SP3: variants seen among roughly 807,000 people sequenced by gnomAD.
SP3 encodes Sp3 transcription factor.
In SP3, 10 loss-of-function variants were observed where a neutral mutation model predicts 70.3. That is an observed-to-expected ratio of 0.14 (90% confidence interval 0.09 to 0.24). The LOEUF (loss-of-function observed/expected upper bound fraction) is 0.24, where lower values mean the gene tolerates loss of function less well. Ranked by LOEUF, SP3 falls within the 10% of genes least tolerant of loss-of-function variation. SP3 has a pLI of 1.00. For synonymous variants in SP3, 402 were observed against 333.5 expected (o/e 1.21, Z -2.24); for missense variants, 825 against 914.6 (o/e 0.90, Z 1.26).
intron 4 of SP3, among the ~76,000 whole-genome samples, chr2:173,923,294 GA>G (rs770296718): frequency 6.7e-6 from 1 of 148,712 alleles, no homozygotes; most frequent in Admixed American, 6.7e-5. Flanking sequence ...ATGTACAAAA[GA>G]AAAAAAAATT....
intron 4 of SP3, 89 bp from the exon 5 acceptor site, chr2:173,918,874 A>C: frequency 8.6e-7 from 1 of 1,159,344 alleles, no homozygotes; most frequent in Non-Finnish European, 1.2e-6. Context: ...TCCCAATGTT[A>C]CAACTTTGCA....
Position 173,905,527 on chromosome 2 carries a change from T to C in SP3, c.*4414A>G, listed in dbSNP as rs1201834519. ...CTGAAGGAGATAGGCCTTCTCAGGA[T>C]ATCATTCTTAACATCAAAAACTGTA... On this transcript the variant is annotated 3_prime_UTR_variant, in exon 7 of 7. Transcript: ENST00000310015. Among the ~76,000 whole-genome samples the C allele has an allele frequency of 6.6e-6, 1 of 152,202 alleles. No individual in the cohort carries two copies. Among genetic ancestry groups the C allele is most frequent in the Non-Finnish European group, 1.5e-5 (1 of 68,038 alleles).
chr2:173,935,573 A>G (rs966027186), intron 4 of SP3, among the ~76,000 whole-genome samples: 3 of 152,122 alleles, frequency 2.0e-5, no homozygotes, highest in African/African-American at 7.2e-5. Context: ...AAATGTACAC[A>G]CTTCCTGCAC....
Position 173,906,652 on chromosome 2 carries a change from C to T in SP3, c.*3289G>A. ...ACCCCAAATTTCAAACAATATTGAA[C>T]ACAATACAAATTTTTCATAAAACAA... On this transcript the variant is annotated 3_prime_UTR_variant, in exon 7 of 7. Transcript: ENST00000310015. 6.6e-6 allele frequency: 1 copy of T among 152,152 alleles called. No homozygotes were observed. The highest frequency in any genetic ancestry group is 1.9e-4 in the East Asian group (1 of 5,202). The allele number at this position is 152,152 out of a possible 1,614,324, so 9.4% of individuals were successfully genotyped here. A position where few individuals can be genotyped will look rare whatever the true frequency, so the allele number is the denominator to read the frequency against.
intron 5 of SP3, among the ~76,000 whole-genome samples, chr2:173,918,182 T>C (rs1689658768): frequency 6.6e-6 from 1 of 152,108 alleles, no homozygotes; most frequent in African/African-American, 2.4e-5. Flanking sequence ...TATTAAGGCT[T>C]ATTTTTCACT....
At chr2:173,952,040 T>C (rs2105494605) in intron 4 of SP3, among the ~76,000 whole-genome samples, 1 of 152,296 alleles carries the variant, frequency 6.6e-6, no homozygotes, top group Non-Finnish European at 1.5e-5. Context: ...AAGCACAAAT[T>C]TTGTCATCTG....
chr2:173,964,043 C>A, intron 2 of SP3, 160 bp from the exon 3 acceptor site: 1 of 387,866 alleles, frequency 2.6e-6, no homozygotes. Context: ...TCCTCCTGGT[C>A]CCGCCGCCAG....
chr2:173,965,306 A>AT lies in SP3; in HGVS notation c.-136dup. The AT allele has an allele frequency of 8.7e-6, 9 of 1,039,878 alleles. 1 individual carries two copies. The highest frequency in any genetic ancestry group is 4.9e-5 in the African/African-American group (3 of 60,718). 64.4% of individuals were successfully genotyped at this position (1,039,878 alleles called of 1,614,324 possible). A position where few individuals can be genotyped will look rare whatever the true frequency, so the allele number is the denominator to read the frequency against. On this transcript the variant is annotated 5_prime_UTR_variant, in exon 1 of 7. Transcript: ENST00000310015. ...AGCGGTCCGGGGATTTTTTTTTCCT[A>AT]TTTTGATTGACTGTGCGGGAAACAC...
intron 3 of SP3, among the ~76,000 whole-genome samples, chr2:173,962,079 G>A (rs1691107112): frequency 6.6e-6 from 1 of 151,932 alleles, no homozygotes; most frequent in Non-Finnish European, 1.5e-5. Flanking sequence ...GTGTTGTCAG[G>A]AGTGATTTGG....
intron 4 of SP3, among the ~76,000 whole-genome samples, chr2:173,923,451 G>T (rs552053540): frequency 2.4e-4 from 36 of 152,148 alleles, no homozygotes; most frequent in Admixed American, 9.8e-4. Context: ...GGCATGCCTA[G>T]ATTTCTATTA....
chr2:173,963,727 G>A (rs964900950), intron 3 of SP3, 34 bp downstream of exon 3: 2 of 891,430 alleles, frequency 2.2e-6, no homozygotes, highest in African/African-American at 3.6e-5. Flanking sequence ...CGGGCGCCCG[G>A]CCTCGGCGGG....
Position 173,907,950 on chromosome 2 carries a change from C to CA in SP3, c.*1990dup. Reference sequence around the variant, plus strand: ...CTCCAATGCAATCAGGTATTACAGACAGAGTCAGACTGGGCCTGGAAAACA... The same window carrying CA: ...CTCCAATGCAATCAGGTATTACAGACAAGAGTCAGACTGGGCCTGGAAAACA... On this transcript the variant is annotated 3_prime_UTR_variant, in exon 7 of 7. Transcript: ENST00000310015. 6.6e-6 allele frequency: 1 copy of CA among 152,106 alleles called. No individual in the cohort carries two copies. The highest frequency in any genetic ancestry group is 1.9e-4 in the East Asian group (1 of 5,202). The allele number at this position is 152,106 out of a possible 1,614,324, so 9.4% of individuals were successfully genotyped here.
At chr2:173,956,890 A>C (rs1008968682) in intron 3 of SP3, among the ~76,000 whole-genome samples, 1 of 152,194 alleles carries the variant, frequency 6.6e-6, no homozygotes, top group Non-Finnish European at 1.5e-5. Flanking sequence ...ACACACTGTG[A>C]CTTTACTTAC....
At chr2:173,963,303 T>G (rs1160296333) in intron 3 of SP3, 1 of 152,216 alleles carries the variant, frequency 6.6e-6, no homozygotes, top group Non-Finnish European at 1.5e-5. Flanking sequence ...CCCTCATTTT[T>G]TTTAATAATG....
At chr2:173,911,667 C>T (rs978019919) in intron 6 of SP3, among the ~76,000 whole-genome samples, 2 of 152,116 alleles carry the variant, frequency 1.3e-5, no homozygotes, top group African/African-American at 2.4e-5. Flanking sequence ...CTTTTTACAA[C>T]CTGCTGATAA....
At position 173,931,263 on chromosome 2, in the gene SP3, T is replaced by C. The variant is rs191670388; in HGVS notation, c.1640-12478A>G. On this transcript the variant is annotated intron_variant, in intron 4 of 6. Coordinates refer to ENST00000310015, the MANE Select transcript of SP3 (RefSeq NM_003111.5). ...GTGGTTGCTGGCTAGGCGCGGTGGT[T>C]CACATCTGTAATTCCAGCACTTTGG... Among the ~76,000 whole-genome samples the C allele has an allele frequency of 2.2e-4, 34 of 152,256 alleles. No individual in the cohort carries two copies. In the East Asian group the frequency reaches 6.4e-3, roughly 28 times the overall value.
Position 173,906,045 on chromosome 2 carries a change from GAGA to G in SP3, c.*3893_*3895del, listed in dbSNP as rs1348102837. ...CTGGACTAGAATGAATTTTTCTGGG[GAGA>G]AGGTGTAGGATTCCAAAAAGACTAG... On this transcript the variant is annotated 3_prime_UTR_variant, in exon 7 of 7. Transcript: ENST00000310015. Among the ~76,000 whole-genome samples the G allele has an allele frequency of 6.6e-6, 1 of 152,100 alleles. No homozygotes were observed. The highest frequency in any genetic ancestry group is 2.4e-5 in the African/African-American group (1 of 41,402).
intron 4 of SP3, among the ~76,000 whole-genome samples, chr2:173,938,289 TCTG>T (rs1359049322): frequency 1.3e-5 from 2 of 151,862 alleles, no homozygotes; most frequent in Non-Finnish European, 2.9e-5. Flanking sequence ...AAACCCTGTC[TCTG>T]CTAAATATAC....
Position 173,909,919 on chromosome 2 carries a change from T to TGAATAA in SP3, c.*16_*21dup. 1 of 1,597,822 alleles carries TGAATAA rather than the reference T, an allele frequency of 6.3e-7. No individual in the cohort carries two copies. Among genetic ancestry groups the TGAATAA allele is most frequent in the Non-Finnish European group, 8.6e-7 (1 of 1,166,496 alleles). Reference sequence around the variant, plus strand: ...CACTACTGTATAAAAATAACCACAATGAATAAGTATTTGTGTAATATTTAC... The same window carrying TGAATAA: ...CACTACTGTATAAAAATAACCACAATGAATAAGAATAAGTATTTGTGTAATATTTAC... On this transcript the variant is annotated 3_prime_UTR_variant, in exon 7 of 7. Transcript: ENST00000310015.
Sources: gnomAD v4.1 joint callset for allele counts (sites outside exome capture counted in the v4.1 genomes callset) on GRCh38, gnomAD v4.1.1 for gene constraint, MANE v1.5 for transcripts, NCBI Gene and HGNC (gene_info 2026-07-23, HGNC 2026-07-21) for gene names.